Variants in TTC23L observed in about 807,000 individuals in gnomAD.
TTC23L encodes the protein tetratricopeptide repeat protein 23-like.
Under a neutral mutation model 48.1 loss-of-function variants are expected in TTC23L, and 42 were observed. The ratio of observed to expected loss-of-function variants is 0.87; its 90% CI spans 0.68 to 1.13. TTC23L has a LOEUF of 1.13. TTC23L is among the 50% of genes most tolerant of loss of function. The pLI is 0.00. For missense variants in TTC23L, 391 were observed against 421.0 expected (o/e 0.93, Z 0.62); for synonymous variants, 159 against 157.2 (o/e 1.01, Z -0.09).
At chr5:34,857,027 T>C (rs1022398866) in intron 4 of TTC23L, among the ~76,000 whole-genome samples, 15 of 152,176 alleles carry the variant, frequency 9.9e-5, no homozygotes, top group Admixed American at 9.8e-4. Flanking sequence ...AAAGATGTTT[T>C]TAATGGAGTA....
Position 34,885,743 on chromosome 5 carries a change from T to C in TTC23L, c.1077+5435T>C, listed in dbSNP as rs568470145. ...GCCTGAGCAACAGAGTGAGGCCCTG[T>C]CTAAAAAAAAAAGAAAGAAACCATT... On this transcript the variant is annotated intron_variant, in intron 9 of 10. Transcript: ENST00000505624. Among the ~76,000 whole-genome samples the C allele has an allele frequency of 2.1e-3, 66 of 32,072 alleles. 1 individual carries two copies. Among genetic ancestry groups the C allele is most frequent in the East Asian group, 0.02 (64 of 3,160 alleles). The allele number at this position is 32,072 out of a possible 152,430, so 21.0% of individuals were successfully genotyped here.
chr5:34,914,095 T>C, the TTC23L span: 2 of 423,380 alleles, frequency 4.7e-6, no homozygotes, highest in Non-Finnish European at 4.9e-6. Context: ...CACTTACGTG[T>C]TAAAAAACGC....
At chr5:34,857,951 A>G (rs1760260940) in intron 4 of TTC23L, among the ~76,000 whole-genome samples, 1 of 150,958 alleles carries the variant, frequency 6.6e-6, no homozygotes, top group Non-Finnish European at 1.5e-5. Flanking sequence ...TCTGGTGACA[A>G]TAACAACCTC....
intron 9 of TTC23L, among the ~76,000 whole-genome samples, chr5:34,892,925 GA>G (rs1762967753): frequency 6.6e-6 from 1 of 152,154 alleles, no homozygotes; most frequent in African/African-American, 2.4e-5. Flanking sequence ...TTAGTAGACA[GA>G]AAGCAACCAT....
the TTC23L span, chr5:34,913,339 C>A: frequency 2.1e-6 from 1 of 477,526 alleles, no homozygotes; most frequent in Non-Finnish European, 3.8e-6. Context: ...TGTTAGAACC[C>A]ATGACTGTGG....
the TTC23L span, chr5:34,919,747 C>A: frequency 2.3e-6 from 1 of 426,390 alleles, no homozygotes; most frequent in Non-Finnish European, 4.3e-6. Flanking sequence ...AGTGTAAAAA[C>A]ACTTTATTTT....
intron 9 of TTC23L, among the ~76,000 whole-genome samples, chr5:34,885,279 G>A (rs2111726200): frequency 6.6e-6 from 1 of 152,330 alleles, no homozygotes; most frequent in Admixed American, 6.5e-5. Context: ...ATGATGATTA[G>A]ATGCTAGATT....
the TTC23L span, chr5:34,914,524 T>A: frequency 1.5e-6 from 1 of 666,506 alleles, no homozygotes; most frequent in Non-Finnish European, 2.5e-6. Context: ...ATTCAAGTAA[T>A]GACGTTTTGT....
the TTC23L span, chr5:34,907,524 T>G: frequency 6.6e-6 from 1 of 152,236 alleles, no homozygotes; most frequent in Non-Finnish European, 1.5e-5. Flanking sequence ...AATTTTTGCA[T>G]TTTATTAAAT....
At chr5:34,855,569 T>G (rs1260262785) in intron 4 of TTC23L, among the ~76,000 whole-genome samples, 2 of 152,198 alleles carry the variant, frequency 1.3e-5, no homozygotes, top group East Asian at 3.9e-4. Flanking sequence ...AAATACACAC[T>G]GATAACATGG....
chr5:34,894,050 C>G (rs1037845043), intron 9 of TTC23L, among the ~76,000 whole-genome samples: 1 of 152,086 alleles, frequency 6.6e-6, no homozygotes, highest in Non-Finnish European at 1.5e-5. Context: ...CTTCTCAATA[C>G]TCTATTTATA....
the TTC23L span, among the ~76,000 whole-genome samples, chr5:34,904,518 T>A: frequency 1.3e-5 from 2 of 150,368 alleles, no homozygotes; most frequent in Non-Finnish European, 1.5e-5. Context: ...CGCTTGAACC[T>A]GGGAGGTGGA....
Position 34,864,553 on chromosome 5 carries a change from C to G in TTC23L, c.653C>G (p.Ala218Gly), listed in dbSNP as rs1304661972. ...GTCTCTGAGAACGACCTAACACTTG[C>G]TTTGGGCAGGTAAGATCTGGGCTTG... The change falls in exon 6 of 11, where the codon GCT becomes GGT. Residue 218 changes from alanine to glycine, a missense_variant. Transcript: ENST00000505624. The G allele has an allele frequency of 6.2e-7, 1 of 1,612,600 alleles. No individual in the cohort carries two copies. The highest frequency in any genetic ancestry group is 2.2e-5 in the East Asian group (1 of 44,864).
At chr5:34,903,614 T>G (rs550202143), downstream of TTC23L, among the ~76,000 whole-genome samples, 1 of 152,350 alleles carries the variant, frequency 6.6e-6, no homozygotes, top group Admixed American at 6.5e-5. Context: ...CTAAAAATCC[T>G]CTGTGCTCTG....
chr5:34,888,079 T>C (rs985665183), intron 9 of TTC23L, among the ~76,000 whole-genome samples: 5 of 152,244 alleles, frequency 3.3e-5, no homozygotes, highest in African/African-American at 1.2e-4. Flanking sequence ...GGAGCCTTCA[T>C]GAATGGGATT....
intron 4 of TTC23L, 44 bp downstream of exon 4, chr5:34,850,352 G>A (rs747670946): frequency 1.2e-6 from 2 of 1,611,372 alleles, no homozygotes; most frequent in South Asian, 1.1e-5. Flanking sequence ...AGCCTCTGAA[G>A]GCTGAACTGA....
chr5:34,923,180 C>G, the TTC23L span: 1 of 1,614,062 alleles, frequency 6.2e-7, no homozygotes, highest in Non-Finnish European at 8.5e-7. Flanking sequence ...CATTTGTGGA[C>G]CACGTGTTTA....
chr5:34,913,707 T>C, the TTC23L span: 7 of 622,702 alleles, frequency 1.1e-5, no homozygotes, highest in African/African-American at 1.3e-4. Flanking sequence ...AATTTCTGAT[T>C]AGCAATCAAA....
the TTC23L span, chr5:34,922,894 C>G: frequency 8.2e-7 from 1 of 1,216,344 alleles, no homozygotes; most frequent in Admixed American, 1.9e-5. Context: ...TCAATTCTTT[C>G]AGGTACATTT....
Sources: gnomAD v4.1 joint callset for allele counts (sites outside exome capture counted in the v4.1 genomes callset) on GRCh38, gnomAD v4.1.1 for gene constraint, MANE v1.5 for transcripts, NCBI Gene and HGNC (gene_info 2026-07-23, HGNC 2026-07-21) for gene names.